The following DCT variants were observed in gnomAD, a reference collection of about 807,000 sequenced individuals.
The protein encoded by DCT is L-dopachrome tautomerase.
DCT carries 47 observed loss-of-function variants against 53.0 expected under a neutral mutation model. The ratio of observed to expected loss-of-function variants is 0.89; its 90% confidence interval spans 0.70 to 1.13. The LOEUF (loss-of-function observed/expected upper bound fraction) is 1.13, where lower values mean the gene tolerates loss of function less well. Among genes scored for constraint, DCT ranks in the 50% most tolerant of loss-of-function variants. The probability of loss-of-function intolerance (pLI) is 0.00; values close to 1 mark genes in which losing one functional copy is unlikely to be tolerated. For missense variants in DCT, 669 were observed against 637.4 expected (o/e 1.05, Z -0.53); for synonymous variants, 244 against 237.0 (o/e 1.03, Z -0.27).
chr13:94,458,834 G>A (rs1883585965), intron 6 of DCT, among the ~76,000 whole-genome samples: 1 of 151,918 alleles, frequency 6.6e-6, no homozygotes, highest in South Asian at 2.1e-4. Context: ...CACTAAAAAA[G>A]CTCAGAATTG....
intron 1 of DCT, among the ~76,000 whole-genome samples, chr13:94,478,345 C>T (rs974726842): frequency 6.6e-6 from 1 of 152,002 alleles, no homozygotes; most frequent in African/African-American, 2.4e-5. Context: ...GGCATGATGG[C>T]GGGTGCCTGT....
rs1299652106 is a variant in DCT, at chr13:94,465,614, C to T, written c.863+19G>A. On this transcript the variant is annotated intron_variant, in intron 4 of 7. Transcript: ENST00000377028. ...AAAAGACAATCTCTGGATGCCATTG[C>T]AGGTACAGGAGCCATTACCTATCAC... 6.2e-6 allele frequency: 10 copies of T among 1,608,392 alleles called. No individual in the cohort carries two copies. Among genetic ancestry groups the T allele is most frequent in the Non-Finnish European group, 8.5e-6 (10 of 1,176,568 alleles).
At chr13:94,502,376 T>G in the DCT span, among the ~76,000 whole-genome samples, 1 of 152,192 alleles carries the variant, frequency 6.6e-6, no homozygotes, top group South Asian at 2.1e-4. Context: ...GTTGATTCTG[T>G]GGTGGGGAAG....
chr13:94,525,883 G>A, the DCT span, among the ~76,000 whole-genome samples: 5 of 152,198 alleles, frequency 3.3e-5, no homozygotes, highest in Non-Finnish European at 7.3e-5. Flanking sequence ...TCTACCAGGA[G>A]TTTGCTTCTG....
chr13:94,436,993 G>A lies in DCT; in HGVS notation c.*2905C>T, dbSNP rs993770779. 1.3e-5 allele frequency: 2 copies of A among 152,094 alleles called. No homozygotes were observed. The highest frequency in any genetic ancestry group is 6.6e-5 in the Admixed American group (1 of 15,254). 9.4% of individuals were successfully genotyped at this position (152,094 alleles called of 1,614,324 possible). On this transcript the variant is annotated 3_prime_UTR_variant, in exon 8 of 8. Transcript: ENST00000377028. ...AGCTACTGCAGGACCTCTCTTCCCT[G>A]GTCAGTCACTTGAAGCAGCCACCTG...
At chr13:94,519,485 A>C in the DCT span, among the ~76,000 whole-genome samples, 1 of 152,174 alleles carries the variant, frequency 6.6e-6, no homozygotes, top group Non-Finnish European at 1.5e-5. Context: ...CCATCTCAGA[A>C]AAAAGAAATG....
At chr13:94,474,439 TTACA>T (rs1443724936) in intron 1 of DCT, among the ~76,000 whole-genome samples, 1 of 152,212 alleles carries the variant, frequency 6.6e-6, no homozygotes, top group African/African-American at 2.4e-5. Flanking sequence ...TACTTTATAC[TTACA>T]TAGGTCCTTT....
Position 94,479,332 on chromosome 13 carries a change from C to T in DCT, c.-77G>A. The T allele has an allele frequency of 8.1e-7, 1 of 1,236,196 alleles. No individual in the cohort carries two copies. The highest frequency in any genetic ancestry group is 1.1e-6 in the Non-Finnish European group (1 of 902,688). 76.6% of individuals were successfully genotyped at this position (1,236,196 alleles called of 1,614,324 possible). A position where few individuals can be genotyped will look rare whatever the true frequency, so the allele number is the denominator to read the frequency against. Reference sequence around the variant, plus strand: ...CGTACTTTTCTCCTTATCTTCTACTCTTTCAGTCTTTTCTTTTCAGTATTT... The same window carrying T: ...CGTACTTTTCTCCTTATCTTCTACTTTTTCAGTCTTTTCTTTTCAGTATTT... On this transcript the variant is annotated 5_prime_UTR_variant, in exon 1 of 8. Transcript: ENST00000377028.
At chr13:94,472,839 C>T (rs1391864955) in intron 1 of DCT, among the ~76,000 whole-genome samples, 1 of 151,760 alleles carries the variant, frequency 6.6e-6, no homozygotes, top group East Asian at 1.9e-4. Flanking sequence ...GCCTTGGCCT[C>T]CCAAAGTGTT....
chr13:94,443,641 C>A lies in DCT; in HGVS notation c.1180-4G>T. On this transcript the variant is annotated splice_region_variant and splice_polypyrimidine_tract_variant and intron_variant, in intron 6 of 7. Coordinates refer to ENST00000377028, the MANE Select transcript of DCT (RefSeq NM_001922.5). ...CATCAGTAAAGGAATGAAGAACCTG[C>A]AAAACAGTTGGACACAGCATTTAAC... is the stretch of plus-strand genomic sequence containing the variant. 1 of 1,610,440 alleles carries A rather than the reference C, an allele frequency of 6.2e-7. No homozygotes were observed. The highest frequency in any genetic ancestry group is 8.5e-7 in the Non-Finnish European group (1 of 1,177,342).
chr13:94,476,424 T>G (rs954660629), intron 1 of DCT, among the ~76,000 whole-genome samples: 1 of 151,468 alleles, frequency 6.6e-6, no homozygotes, highest in African/African-American at 2.4e-5. Context: ...GCCTCAGGAT[T>G]CTATGCAATG....
At chr13:94,519,031 T>A in the DCT span, among the ~76,000 whole-genome samples, 8 of 152,076 alleles carry the variant, frequency 5.3e-5, no homozygotes, top group African/African-American at 1.2e-4. Flanking sequence ...CCACCCACCA[T>A]TGCCCCCTCC....
At chr13:94,545,362 G>A in the DCT span, among the ~76,000 whole-genome samples, 6 of 152,054 alleles carry the variant, frequency 3.9e-5, no homozygotes, top group South Asian at 2.1e-4. Context: ...CAGCAAGCCC[G>A]TCTGCTAAAG....
At chr13:94,477,440 G>T (rs972414424) in intron 1 of DCT, among the ~76,000 whole-genome samples, 2 of 151,958 alleles carry the variant, frequency 1.3e-5, no homozygotes, top group Non-Finnish European at 2.9e-5. Context: ...CTAATGTCTG[G>T]GCACTCATGG....
chr13:94,534,909 TGTG>T, the DCT span, among the ~76,000 whole-genome samples: 2 of 152,194 alleles, frequency 1.3e-5, no homozygotes. Context: ...TCCAAATAAA[TGTG>T]GTTTGTTTGT....
At chr13:94,525,434 G>T in the DCT span, among the ~76,000 whole-genome samples, 1 of 152,072 alleles carries the variant, frequency 6.6e-6, no homozygotes, top group Admixed American at 6.5e-5. Context: ...TAGGCCACTC[G>T]GTTTGTGGCA....
the DCT span, among the ~76,000 whole-genome samples, chr13:94,510,772 A>T: frequency 3.9e-5 from 6 of 152,178 alleles, no homozygotes; most frequent in East Asian, 1.2e-3. Context: ...CTTCTTTTTG[A>T]GCTCCAAGCT....
At chr13:94,548,286 G>T in the DCT span, among the ~76,000 whole-genome samples, 1 of 151,928 alleles carries the variant, frequency 6.6e-6, no homozygotes, top group Non-Finnish European at 1.5e-5. Context: ...AATAATGCTG[G>T]CTCGTAGTGG....
At chr13:94,472,334 ACT>A (rs1314247325) in intron 1 of DCT, among the ~76,000 whole-genome samples, 1 of 150,990 alleles carries the variant, frequency 6.6e-6, no homozygotes, top group Non-Finnish European at 1.5e-5. Context: ...GGGGTTGGCA[ACT>A]CTCTGTACTT....
Sources: gnomAD v4.1 joint callset for allele counts (sites outside exome capture counted in the v4.1 genomes callset) on GRCh38, gnomAD v4.1.1 for gene constraint, MANE v1.5 for transcripts, NCBI Gene and HGNC (gene_info 2026-07-23, HGNC 2026-07-21) for gene names.